Variants in AGGF1 observed in about 807,000 individuals in gnomAD.
AGGF1 encodes angiogenic factor with G-patch and FHA domains 1, also known as angiogenic factor with G patch and FHA domains 1.
A neutral mutation model predicts 86.5 loss-of-function variants in AGGF1; 56 were observed. The ratio of observed to expected loss-of-function variants is 0.65; its 90% confidence interval spans 0.52 to 0.81. The LOEUF (loss-of-function observed/expected upper bound fraction) is 0.81, where lower values mean the gene tolerates loss of function less well. AGGF1 is among the 30% of genes least tolerant of loss of function. AGGF1 has a pLI of 0.00. For synonymous variants in AGGF1, 313 were observed against 297.1 expected, an observed-to-expected ratio of 1.05 and a Z score of -0.55; for missense variants, 816 against 850.9, an observed-to-expected ratio of 0.96 and a Z score of 0.51.
chr5:77,057,062 C>T (rs190779045), intron 11 of AGGF1, among the ~76,000 whole-genome samples: 1 of 152,242 alleles, frequency 6.6e-6, no homozygotes, highest in East Asian at 1.9e-4. Context: ...AATGAGATAC[C>T]ACTACACATC....
chr5:77,031,854 A>C (rs1224312561), intron 1 of AGGF1, among the ~76,000 whole-genome samples: 5 of 152,140 alleles, frequency 3.3e-5, no homozygotes, highest in Non-Finnish European at 4.4e-5. Context: ...CAGTGAGCCG[A>C]GATCGTGCCA....
At position 77,048,279 on chromosome 5, in the gene AGGF1, T is replaced by G. The variant is rs759250265; in HGVS notation, c.1313+7T>G. 3 of 1,545,158 alleles carry G rather than the reference T, an allele frequency of 1.9e-6. No homozygotes were observed. The highest frequency in any genetic ancestry group is 2.7e-6 in the Non-Finnish European group (3 of 1,118,148). On this transcript the variant is annotated splice_region_variant and intron_variant, in intron 7 of 13. Transcript: ENST00000312916. ...ACCCTGCTACAATTGGAAGGTAAAATGGTTAATATTATTATATCATTCTTT... is the reference window on the plus strand; with the variant it reads ...ACCCTGCTACAATTGGAAGGTAAAAGGGTTAATATTATTATATCATTCTTT...
chr5:77,056,658 A>G (rs1747467159), intron 11 of AGGF1, among the ~76,000 whole-genome samples: 1 of 152,174 alleles, frequency 6.6e-6, no homozygotes, highest in Non-Finnish European at 1.5e-5. Context: ...TGGATCATAG[A>G]TATAAAAGTA....
intron 12 of AGGF1, among the ~76,000 whole-genome samples, chr5:77,060,597 T>G (rs1747540062): frequency 6.6e-6 from 1 of 152,194 alleles, no homozygotes; most frequent in Non-Finnish European, 1.5e-5. Flanking sequence ...AATTTTGAGT[T>G]TAGTTAAAAT....
intron 11 of AGGF1, among the ~76,000 whole-genome samples, chr5:77,058,076 A>AG (rs1747490406): frequency 6.6e-6 from 1 of 152,220 alleles, no homozygotes; most frequent in African/African-American, 2.4e-5. Context: ...TTACAAAGAG[A>AG]GACAAGGACA....
intron 5 of AGGF1, among the ~76,000 whole-genome samples, chr5:77,044,660 CT>C (rs1747211891): frequency 6.6e-6 from 1 of 152,054 alleles, no homozygotes; most frequent in Non-Finnish European, 1.5e-5. Context: ...AGATAGGGAA[CT>C]TTTTTGCTAT....
chr5:77,030,739 G>T lies in AGGF1; in HGVS notation c.-28G>T. On this transcript the variant is annotated 5_prime_UTR_variant, in exon 1 of 14. Transcript: ENST00000312916. Reference sequence around the variant, plus strand: ...TTCGGCCTGAACGCAGCCCCTCCGCGGCGACGAGCAGTCTCGCGCCGGAGC... The same window carrying T: ...TTCGGCCTGAACGCAGCCCCTCCGCTGCGACGAGCAGTCTCGCGCCGGAGC... The T allele has an allele frequency of 6.4e-7, 1 of 1,550,562 alleles. No homozygotes were observed. The highest frequency in any genetic ancestry group is 1.2e-5 in the South Asian group (1 of 85,946).
rs1207813221 is a variant in AGGF1, at chr5:77,030,955, C to T, written c.189C>T (p.Asn63=). The change falls in exon 1 of 14, where the codon AAC becomes AAT. Residue 63 remains asparagine, a synonymous_variant. Coordinates refer to ENST00000312916, the MANE Select transcript of AGGF1 (RefSeq NM_018046.5). ...GGCTGTACCAGAACGCAGAAAGCAA[C>T]AACCAGGAGCTCCGCACGCAGGTGC... is the stretch of plus-strand genomic sequence containing the variant. ...TERLYQNAES[N]NQELRTQVEE... The T allele has an allele frequency of 2.2e-5, 36 of 1,612,476 alleles. No individual in the cohort carries two copies. The highest frequency in any genetic ancestry group is 3.1e-5 in the Non-Finnish European group (36 of 1,179,980).
In AGGF1 at chr5:77,046,354, A is replaced by G. The variant is rs374701352; in HGVS notation, c.878A>G (p.Asn293Ser). The G allele has an allele frequency of 5.3e-5, 86 of 1,613,290 alleles. No individual in the cohort carries two copies. The highest frequency in any genetic ancestry group is 7.2e-5 in the Non-Finnish European group (85 of 1,179,716). The change falls in exon 6 of 14, where the codon AAC becomes AGC. Residue 293 changes from asparagine to serine, a missense_variant. Around this residue, in one of 3 missense-constraint regions of AGGF1, gnomAD observed 565 missense variants for 585.8 expected, o/e 0.96. Coordinates refer to ENST00000312916, the MANE Select transcript of AGGF1 (RefSeq NM_018046.5). ...SSATNEEKDL[N>S]SEDQKAFSVE... is the part of the protein sequence containing the mutation. ...CTACCCACCCTTCTCCAGGATTTGAACTCAGAGGATCAAAAAGCCTTCAGT... is the reference window on the plus strand; with the variant it reads ...CTACCCACCCTTCTCCAGGATTTGAGCTCAGAGGATCAAAAAGCCTTCAGT...
At position 77,048,153 on chromosome 5, in the gene AGGF1, C is replaced by T; in HGVS notation, c.1202-8C>T. 1 of 1,562,998 alleles carries T rather than the reference C, an allele frequency of 6.4e-7. No individual in the cohort carries two copies. The highest frequency in any genetic ancestry group is 8.8e-7 in the Non-Finnish European group (1 of 1,134,356). On this transcript the variant is annotated splice_region_variant and splice_polypyrimidine_tract_variant and intron_variant, in intron 6 of 13. Transcript: ENST00000312916. Reference sequence around the variant, plus strand: ...AAATTAATATTTACTCACTTCTTTCCTTGGCAGATGAAGACAAAATTTGGC... The same window carrying T: ...AAATTAATATTTACTCACTTCTTTCTTTGGCAGATGAAGACAAAATTTGGC...
At chr5:77,031,961 C>T (rs930703530) in intron 1 of AGGF1, among the ~76,000 whole-genome samples, 7 of 152,072 alleles carry the variant, frequency 4.6e-5, no homozygotes, top group East Asian at 3.9e-4. Flanking sequence ...TTGGCAGGCC[C>T]TCTCTGCCAA....
At chr5:77,043,789 A>G (rs1747190564) in intron 5 of AGGF1, among the ~76,000 whole-genome samples, 14 of 108,746 alleles carry the variant, frequency 1.3e-4, no homozygotes, top group Admixed American at 1.3e-3. Context: ...CAGAGTGGGC[A>G]GCTGCCGGGC....
At position 77,058,124 on chromosome 5, in the gene AGGF1, T is replaced by C. The variant is rs556151434; in HGVS notation, c.1717-1492T>C. 3.3e-5 allele frequency among the ~76,000 whole-genome samples: 5 copies of C among 152,314 alleles called. No homozygotes were observed. In the East Asian group the frequency reaches 9.6e-4, roughly 29 times the overall value. On this transcript the variant is annotated intron_variant, in intron 11 of 13. Coordinates refer to ENST00000312916, the MANE Select transcript of AGGF1 (RefSeq NM_018046.5). ...ATGGATATGTTTATTATCTTGCTTA[T>C]GGTGATAGTTTCATAGGTCCATAAA...
intron 11 of AGGF1, among the ~76,000 whole-genome samples, chr5:77,057,600 A>ACT (rs1181426055): frequency 6.6e-6 from 1 of 152,120 alleles, no homozygotes; most frequent in Non-Finnish European, 1.5e-5. Flanking sequence ...CATGAAGCAA[A>ACT]CTTACTACTT....
intron 5 of AGGF1, among the ~76,000 whole-genome samples, chr5:77,043,649 C>G (rs1301076857): frequency 2.8e-4 from 41 of 143,870 alleles, no homozygotes; most frequent in African/African-American, 9.8e-4. Flanking sequence ...ACCTCCCTCC[C>G]GGATGGGGCG....
intron 5 of AGGF1, among the ~76,000 whole-genome samples, chr5:77,043,714 C>T (rs1747188086): frequency 3.6e-5 from 5 of 137,064 alleles, no homozygotes; most frequent in Admixed American, 1.4e-4. Context: ...GGGGTGGCTG[C>T]CGGGCGGAGA....
At chr5:77,051,849 A>G (rs1024694312) in intron 8 of AGGF1, among the ~76,000 whole-genome samples, 10 of 152,214 alleles carry the variant, frequency 6.6e-5, no homozygotes, top group African/African-American at 2.2e-4. Flanking sequence ...TATCCACACA[A>G]TGGATTACCA....
chr5:77,053,985 T>G lies in AGGF1; in HGVS notation c.1488T>G (p.Pro496=), dbSNP rs779864950. The G allele has an allele frequency of 1.2e-6, 2 of 1,614,204 alleles. No individual in the cohort carries two copies. Among genetic ancestry groups the G allele is most frequent in the South Asian group, 2.2e-5 (2 of 91,084 alleles). The change falls in exon 10 of 14, where the codon CCT becomes CCG. Residue 496 remains proline (P), a synonymous_variant. Transcript: ENST00000312916. ...QILQPKTKCD[P]YVLEHGDEVK... Reference sequence around the variant, plus strand: ...TCTAGCCGAAAACTAAATGTGACCCTTACGTACTTGAGCATGGAGATGAAG... The same window carrying G: ...TCTAGCCGAAAACTAAATGTGACCCGTACGTACTTGAGCATGGAGATGAAG...
chr5:77,051,596 G>A (rs1257227687), intron 8 of AGGF1, among the ~76,000 whole-genome samples: 1 of 152,134 alleles, frequency 6.6e-6, no homozygotes, highest in African/African-American at 2.4e-5. Context: ...ACAGACTGCT[G>A]GTGGGAATAT....
Sources: allele counts gnomAD v4.1 joint callset (sites outside exome capture counted in the v4.1 genomes callset), GRCh38; gene constraint gnomAD v4.1.1; regional missense constraint gnomAD v4.1.1; transcripts MANE v1.5; gene names NCBI Gene and HGNC (gene_info 2026-07-23, HGNC 2026-07-21).